The following HYDIN variants were observed in gnomAD, a reference collection of about 807,000 sequenced individuals.
HYDIN encodes HYDIN axonemal central pair apparatus protein.
In HYDIN, 132 loss-of-function variants were observed where a neutral mutation model predicts 403.9. The ratio of observed to expected loss-of-function variants is 0.33; its 90% CI spans 0.28 to 0.38. The LOEUF is 0.38. HYDIN is among the 10% of genes least tolerant of loss of function. The probability of loss-of-function intolerance (pLI) is 1.00; values close to 1 mark genes in which losing one functional copy is unlikely to be tolerated. For missense variants in HYDIN, 2,827 were observed against 5,009.5 expected (o/e 0.56, Z 13.15); for synonymous variants, 1,202 against 1,891.7 (o/e 0.64, Z 9.46).
chr16:71,210,792 G>GTT (rs2088546212), intron 1 of HYDIN, among the ~76,000 whole-genome samples: 1 of 151,914 alleles, frequency 6.6e-6, no homozygotes, highest in South Asian at 2.1e-4. Context: ...TAAAACCTTT[G>GTT]TTACTTGGCC....
intron 42 of HYDIN, 53 bp from the exon 43 acceptor site, chr16:70,941,872 T>A (rs1369915001): frequency 1.6e-6 from 2 of 1,278,320 alleles, no homozygotes; most frequent in African/African-American, 3.1e-5. Context: ...TCATTTGTTC[T>A]GTTTATGCTT....
chr16:70,896,058 A>G lies in HYDIN; in HGVS notation c.9071T>C (p.Leu3024Pro), dbSNP rs1324698198. 3 of 1,613,616 alleles carry G rather than the reference A, an allele frequency of 1.9e-6. No individual in the cohort carries two copies. Among genetic ancestry groups the G allele is most frequent in the East Asian group, 2.2e-5 (1 of 44,852 alleles). Residue 3024 changes from leucine (L) to proline (P), a missense_variant, in exon 54 of 86, where the codon CTT becomes CCT. Physicochemically the swap from Leu to Pro is moderately conservative, Grantham distance 98. Coordinates refer to ENST00000393567, the MANE Select transcript of HYDIN (RefSeq NM_001270974.2). Reference protein sequence around the residue: ...RLEVLDAENLLGVVQIENIMV... With the variant: ...RLEVLDAENLPGVVQIENIMV... Reference sequence around the variant, plus strand: ...GATATTTTCAATCTGAACAACACCAAGAAGATTTTCTGCATCTAAAACCTG... The same window carrying G: ...GATATTTTCAATCTGAACAACACCAGGAAGATTTTCTGCATCTAAAACCTG...
Position 70,804,247 on chromosome 16 carries a change from T to C in HYDIN, c.*3333A>G, listed in dbSNP as rs1242121549. On this transcript the variant is annotated 3_prime_UTR_variant, in exon 86 of 86. Transcript: ENST00000393567. ...AGGAACTTCCTCCTCTCTCAGGGGC[T>C]AGGAGGATTTGGACCCTAGACTCAG... 3.3e-5 allele frequency among the ~76,000 whole-genome samples: 5 copies of C among 152,198 alleles called. No individual in the cohort carries two copies. The highest frequency in any genetic ancestry group is 7.3e-5 in the Non-Finnish European group (5 of 68,036).
At chr16:71,210,720 A>G (rs2088543049) in intron 1 of HYDIN, among the ~76,000 whole-genome samples, 1 of 152,178 alleles carries the variant, frequency 6.6e-6, no homozygotes, top group African/African-American at 2.4e-5. Flanking sequence ...CATGTCATTA[A>G]TTTCTATCTA....
intron 23 of HYDIN, among the ~76,000 whole-genome samples, chr16:71,007,090 A>C: frequency 7.9e-6 from 1 of 126,318 alleles, no homozygotes; most frequent in African/African-American, 3.0e-5. Flanking sequence ...CTTCCTTCCC[A>C]TTTTTATCTA....
intron 21 of HYDIN, among the ~76,000 whole-genome samples, chr16:71,023,175 C>A (rs1282051509): frequency 6.6e-6 from 1 of 151,974 alleles, no homozygotes; most frequent in Non-Finnish European, 1.5e-5. Flanking sequence ...AGCAATAAAG[C>A]TTAATAACTG....
intron 12 of HYDIN, among the ~76,000 whole-genome samples, chr16:71,082,939 TAC>T (rs1302085494): frequency 6.6e-6 from 1 of 151,636 alleles, no homozygotes. Context: ...CAACCATCAC[TAC>T]AGTCAATTTG....
intron 1 of HYDIN, among the ~76,000 whole-genome samples, chr16:71,217,612 T>G (rs774167384): frequency 3.3e-5 from 5 of 152,174 alleles, no homozygotes; most frequent in Non-Finnish European, 5.9e-5. Flanking sequence ...GAACCTGACC[T>G]ATGGAGCCGA....
chr16:70,810,528 T>C (rs1479384301), intron 84 of HYDIN, among the ~76,000 whole-genome samples: 1 of 152,222 alleles, frequency 6.6e-6, no homozygotes, highest in Non-Finnish European at 1.5e-5. Context: ...GTGTAGCCAC[T>C]AGAAAGGATG....
chr16:71,074,485 C>A (rs1021990914), intron 13 of HYDIN, among the ~76,000 whole-genome samples: 10 of 151,902 alleles, frequency 6.6e-5, no homozygotes, highest in Admixed American at 2.0e-4. Flanking sequence ...AGTTCCAGAC[C>A]AGCCTGGCCA....
At chr16:70,829,553 C>T in intron 81 of HYDIN, 65 bp downstream of exon 81, 3 of 1,259,212 alleles carry the variant, frequency 2.4e-6, no homozygotes, top group Non-Finnish European at 3.5e-6. Context: ...CTTTTAACCT[C>T]ATTCACATAG....
chr16:70,955,521 G>T lies in HYDIN; in HGVS notation c.6170C>A (p.Ala2057Asp). 3 of 1,546,084 alleles carry T rather than the reference G, an allele frequency of 1.9e-6. No individual in the cohort carries two copies. The highest frequency in any genetic ancestry group is 1.8e-6 in the Non-Finnish European group (2 of 1,126,988). Residue 2057 changes from alanine to aspartate, a missense_variant, in exon 40 of 86, where the codon GCC becomes GAC. By Grantham distance (126) the Ala-to-Asp change is moderately radical. Coordinates refer to ENST00000393567, the MANE Select transcript of HYDIN (RefSeq NM_001270974.2). ...CAGGCAGGCTGCGTTGTAGTACTTGGCCACGCTAACGGCATTGGCTGACTT... is the reference window on the plus strand; with the variant it reads ...CAGGCAGGCTGCGTTGTAGTACTTGTCCACGCTAACGGCATTGGCTGACTT... Reference protein sequence around the residue: ...SGKSANAVSVAKYYNAACLSI... With the variant: ...SGKSANAVSVDKYYNAACLSI...
At chr16:71,209,641 G>A (rs1031414654) in intron 1 of HYDIN, among the ~76,000 whole-genome samples, 25 of 152,114 alleles carry the variant, frequency 1.6e-4, no homozygotes, top group Admixed American at 4.6e-4. Context: ...AAAACCCCAC[G>A]GTCTCTGCCC....
At chr16:71,040,501 C>A (rs12149036) in intron 18 of HYDIN, among the ~76,000 whole-genome samples, 2 of 147,074 alleles carry the variant, frequency 1.4e-5, no homozygotes, top group African/African-American at 2.5e-5. Flanking sequence ...CCCTCCCCCC[C>A]ACACACACAA....
At chr16:71,161,657 G>A (rs2086006160) in intron 6 of HYDIN, among the ~76,000 whole-genome samples, 1 of 151,948 alleles carries the variant, frequency 6.6e-6, no homozygotes, top group African/African-American at 2.4e-5. Flanking sequence ...AAAAGCCCTT[G>A]TTGGTTACAC....
intron 2 of HYDIN, among the ~76,000 whole-genome samples, chr16:71,185,860 G>T (rs74744572): frequency 0.01 from 1,584 of 152,166 alleles, 9 homozygotes; most frequent in Non-Finnish European, 0.016. Flanking sequence ...GCTTTATGTT[G>T]CCTTGGGTTA....
chr16:71,171,015 T>G (rs1465949226), intron 5 of HYDIN, among the ~76,000 whole-genome samples: 4 of 152,172 alleles, frequency 2.6e-5, no homozygotes, highest in Admixed American at 1.3e-4. Flanking sequence ...TGAAGTACTT[T>G]ATGGTGGCTT....
chr16:70,925,836 T>C (rs1030575564), intron 45 of HYDIN, among the ~76,000 whole-genome samples: 7 of 152,196 alleles, frequency 4.6e-5, no homozygotes, highest in African/African-American at 1.7e-4. Flanking sequence ...AAGATATTTA[T>C]GCAGCCAAAA....
At chr16:71,197,576 C>G (rs1567440268) in intron 1 of HYDIN, among the ~76,000 whole-genome samples, 1 of 152,150 alleles carries the variant, frequency 6.6e-6, no homozygotes, top group Non-Finnish European at 1.5e-5. Context: ...AAAAGTGCCT[C>G]ACATAAAGAA....
Sources: gnomAD v4.1 joint callset for allele counts (sites outside exome capture counted in the v4.1 genomes callset) on GRCh38, gnomAD v4.1.1 for gene constraint, MANE v1.5 for transcripts, NCBI Gene and HGNC (gene_info 2026-07-23, HGNC 2026-07-21) for gene names.